The following TIMP2 variants were observed in gnomAD, a reference collection of about 807,000 sequenced individuals.
TIMP2 encodes metalloproteinase inhibitor 2.
TIMP2 carries 5 observed loss-of-function variants against 24.3 expected under a neutral mutation model. The observed-to-expected ratio is 0.21, with a 90% CI of 0.11 to 0.43. The LOEUF is 0.43. Ranked by LOEUF, TIMP2 falls within the 20% of genes least tolerant of loss-of-function variation. The probability of loss-of-function intolerance (pLI) is 1.00; values close to 1 mark genes in which losing one functional copy is unlikely to be tolerated. For synonymous variants in TIMP2, 130 were observed against 123.2 expected (o/e 1.06, Z -0.37); for missense variants, 221 against 297.5 (o/e 0.74, Z 1.89).
intron 1 of TIMP2, among the ~76,000 whole-genome samples, chr17:78,884,027 G>A (rs1363054547): frequency 6.6e-6 from 1 of 152,236 alleles, no homozygotes; most frequent in Non-Finnish European, 1.5e-5. Context: ...TTTGTGGAGG[G>A]AAGTGCAGCT....
chr17:78,912,888 C>T (rs912146883), intron 1 of TIMP2, among the ~76,000 whole-genome samples: 4 of 152,272 alleles, frequency 2.6e-5, no homozygotes, highest in Admixed American at 2.0e-4. Context: ...TACCAGTGGG[C>T]GTGGCTGTGT....
At chr17:78,885,696 G>C (rs966226974) in intron 1 of TIMP2, among the ~76,000 whole-genome samples, 1 of 152,204 alleles carries the variant, frequency 6.6e-6, no homozygotes, top group Non-Finnish European at 1.5e-5. Context: ...AGGGGTGTGA[G>C]GGGCAGGAGG....
chr17:78,876,538 C>G (rs895554275), intron 1 of TIMP2, among the ~76,000 whole-genome samples: 1 of 151,824 alleles, frequency 6.6e-6, no homozygotes, highest in Non-Finnish European at 1.5e-5. Context: ...TTTTTTGAGA[C>G]GGAGTTTCAC....
intron 1 of TIMP2, among the ~76,000 whole-genome samples, chr17:78,913,375 G>A (rs904216523): frequency 1.3e-5 from 2 of 152,160 alleles, no homozygotes; most frequent in African/African-American, 4.8e-5. Context: ...GTGCACTTTA[G>A]AGGAGTGACC....
In TIMP2 at chr17:78,855,685, G is replaced by A. The variant is rs190631358; in HGVS notation, c.645C>T (p.Leu215=). Residue 215 remains leucine, a synonymous_variant, in exon 5 of 5, where the codon CTC becomes CTT. Coordinates refer to ENST00000262768, the MANE Select transcript of TIMP2 (RefSeq NM_003255.5). The surrounding 1 kb of genome is among the most constrained non-coding windows in gnomAD (Gnocchi z 6.0). ...RGAAPPKQEF[L]DIEDP is the part of the protein sequence containing the mutation. ...GGCCTGCTTATGGGTCCTCGATGTC[G>A]AGAAACTCCTGCTTGGGGGGCGCCG... 175 of 1,613,868 alleles carry A rather than the reference G, an allele frequency of 1.1e-4. 1 individual carries two copies. The highest frequency in any genetic ancestry group is 5.3e-5 in the African/African-American group (4 of 75,042).
chr17:78,861,851 G>T (rs1416406148), intron 3 of TIMP2, among the ~76,000 whole-genome samples: 1 of 151,884 alleles, frequency 6.6e-6, no homozygotes, highest in East Asian at 1.9e-4. Context: ...GATCCACTGC[G>T]CCCAGCCAAA....
chr17:78,883,338 T>C (rs1420244944), intron 1 of TIMP2, among the ~76,000 whole-genome samples: 1 of 152,146 alleles, frequency 6.6e-6, no homozygotes, highest in Non-Finnish European at 1.5e-5. Context: ...AGGCCCCAGG[T>C]CCACCCTCAG....
At position 78,890,125 on chromosome 17, in the gene TIMP2, A is replaced by G. The variant is rs533365078; in HGVS notation, c.131-16206T>C. On this transcript the variant is annotated intron_variant, in intron 1 of 4. Coordinates refer to ENST00000262768, the MANE Select transcript of TIMP2 (RefSeq NM_003255.5). ...AGCAAGACTCCGTCTCAATCAATCA[A>G]TCAATCAATAAAGGCAAGATTAGGG... Among the ~76,000 whole-genome samples the G allele has an allele frequency of 2.0e-5, 3 of 152,170 alleles. No homozygotes were observed. In the East Asian group the frequency reaches 5.8e-4, roughly 29 times the overall value.
At chr17:78,879,091 T>C (rs543413489) in intron 1 of TIMP2, among the ~76,000 whole-genome samples, 9 of 152,280 alleles carry the variant, frequency 5.9e-5, no homozygotes, top group South Asian at 2.1e-4. Context: ...TGTCGGGGGT[T>C]GTTGCCCAGA....
intron 1 of TIMP2, among the ~76,000 whole-genome samples, chr17:78,886,245 GC>G (rs2069824274): frequency 6.6e-6 from 1 of 152,116 alleles, no homozygotes; most frequent in Non-Finnish European, 1.5e-5. Context: ...TCAAGAAGGG[GC>G]GATTCCTCAC....
intron 1 of TIMP2, among the ~76,000 whole-genome samples, chr17:78,893,282 C>T (rs563992412): frequency 1.7e-4 from 11 of 64,686 alleles, no homozygotes; most frequent in Admixed American, 3.2e-4. Context: ...TAGGGGTGTG[C>T]GGGCAAGGGT....
At chr17:78,879,811 C>T (rs778440595) in intron 1 of TIMP2, among the ~76,000 whole-genome samples, 1 of 152,158 alleles carries the variant, frequency 6.6e-6, no homozygotes, top group Non-Finnish European at 1.5e-5. Flanking sequence ...ATTCAAAGCA[C>T]ACGCAACTGC....
At chr17:78,866,194 C>T (rs1288781294) in intron 3 of TIMP2, among the ~76,000 whole-genome samples, 2 of 152,196 alleles carry the variant, frequency 1.3e-5, no homozygotes, top group East Asian at 1.9e-4. Context: ...AATTTCCTCC[C>T]GTGCTCTGTT....
intron 3 of TIMP2, among the ~76,000 whole-genome samples, chr17:78,870,538 G>A (rs1202819248): frequency 6.6e-6 from 1 of 152,230 alleles, no homozygotes. Context: ...AGTCAAGCAG[G>A]TCTCGTGCAT....
intron 1 of TIMP2, among the ~76,000 whole-genome samples, chr17:78,879,538 C>T (rs2069759758): frequency 6.6e-6 from 1 of 152,186 alleles, no homozygotes; most frequent in Non-Finnish European, 1.5e-5. Flanking sequence ...CCTGTCCATG[C>T]CCCCGAGAGG....
rs780079976 is a variant in TIMP2 at position 78,870,947 on chromosome 17, C to T, written c.291G>A (p.Val97=). The T allele has an allele frequency of 2.4e-5, 38 of 1,613,984 alleles. No individual in the cohort carries two copies. Among genetic ancestry groups the T allele is most frequent in the Non-Finnish European group, 3.1e-5 (37 of 1,179,964 alleles). Residue 97 remains valine, a synonymous_variant, in exon 3 of 5, where the codon GTG becomes GTA. Coordinates refer to ENST00000262768, the MANE Select transcript of TIMP2 (RefSeq NM_003255.5). ...EFIYTAPSSA[V]CGVSLDVGGK... is the part of the protein sequence containing the mutation. ...CTCCAACGTCCAGCGAGACCCCACA[C>T]ACTGCCGAGGAGGGGGCCGTGTAGA...
In TIMP2 at chr17:78,871,009, G is replaced by A. The variant is rs112518286; in HGVS notation, c.232-3C>T. 52 of 1,609,774 alleles carry A rather than the reference G, an allele frequency of 3.2e-5. No individual in the cohort carries two copies. Among genetic ancestry groups the A allele is most frequent in the Non-Finnish European group, 4.2e-5 (49 of 1,177,584 alleles). On this transcript the variant is annotated splice_region_variant and splice_polypyrimidine_tract_variant and intron_variant, in intron 2 of 4. Transcript: ENST00000262768. ...TCCTTCTCAGGCCCTTTGAACATCTGGAAAGACAAGGAGGAGGACATGTAA... is the reference window on the plus strand; with the variant it reads ...TCCTTCTCAGGCCCTTTGAACATCTAGAAAGACAAGGAGGAGGACATGTAA...
At chr17:78,900,559 AT>A (rs1159573747) in intron 1 of TIMP2, among the ~76,000 whole-genome samples, 11 of 146,632 alleles carry the variant, frequency 7.5e-5, no homozygotes, top group South Asian at 4.5e-4. Flanking sequence ...AAAAAAAAAA[AT>A]GTGTTTTTTA....
chr17:78,864,375 CCCT>C (rs528384618), intron 3 of TIMP2, among the ~76,000 whole-genome samples: 128 of 150,786 alleles, frequency 8.5e-4, no homozygotes, highest in African/African-American at 3.1e-3. Context: ...GCCTCCCTCC[CCCT>C]TCCTCCCTCC....
Sources: allele counts gnomAD v4.1 joint callset (sites outside exome capture counted in the v4.1 genomes callset), GRCh38; gene constraint gnomAD v4.1.1; non-coding constraint Gnocchi (gnomAD v3.1); transcripts MANE v1.5; gene names NCBI Gene and HGNC (gene_info 2026-07-23, HGNC 2026-07-21).